HCN4: variants seen among roughly 807,000 people sequenced by gnomAD.
The protein encoded by HCN4 is potassium/sodium hyperpolarization-activated cyclic nucleotide-gated channel 4.
Under a neutral mutation model 76.9 loss-of-function variants are expected in HCN4, and 29 were observed. The observed-to-expected ratio is 0.38, with a 90% CI of 0.28 to 0.51. The LOEUF (loss-of-function observed/expected upper bound fraction) is 0.51, where lower values mean the gene tolerates loss of function less well. Among genes scored for constraint, HCN4 ranks in the 20% least tolerant of loss-of-function variants. The pLI is 0.90. For missense variants in HCN4, 1,416 were observed against 1,715.2 expected, an observed-to-expected ratio of 0.83 and a Z score of 3.08; for synonymous variants, 772 against 762.5, an observed-to-expected ratio of 1.01 and a Z score of -0.21.
Position 73,328,850 on chromosome 15 carries a change from G to C in HCN4, c.1590+723C>G, listed in dbSNP as rs2042915375. On this transcript the variant is annotated intron_variant, in intron 4 of 7. Coordinates refer to ENST00000261917, the MANE Select transcript of HCN4 (RefSeq NM_005477.3). This position sits in a 1 kb window ranked among gnomAD's most constrained non-coding sequence, Gnocchi z 4.0. ...GGCTTTGAGGTAGGCATTGATGACAGAGAGAGGCCAGGGATGGCTCCTAGT... is the reference window on the plus strand; with the variant it reads ...GGCTTTGAGGTAGGCATTGATGACACAGAGAGGCCAGGGATGGCTCCTAGT... Among the ~76,000 whole-genome samples, 1 of 152,194 alleles carries C rather than the reference G, an allele frequency of 6.6e-6. No homozygotes were observed. The highest frequency in any genetic ancestry group is 2.4e-5 in the African/African-American group (1 of 41,456).
intron 4 of HCN4, 51 bp downstream of exon 4, chr15:73,329,522 T>C (rs749304816): frequency 6.3e-7 from 1 of 1,576,282 alleles, no homozygotes; most frequent in Admixed American, 1.7e-5. Context: ...TGGTGGCCTG[T>C]GCTCCCTCTT....
Position 73,343,473 on chromosome 15 carries a change from A to G in HCN4, c.1121T>C (p.Leu374Pro). ...GATCTTCGTGAAGCGGACAATGCGC[A>G]GGGCCCGGGCAGTCTTGTAGACCTC... is the stretch of plus-strand genomic sequence containing the variant. ...DSEVYKTARA[L>P]RIVRFTKILS... The change falls in exon 2 of 8, where the codon CTG becomes CCG. Residue 374 changes from leucine (L) to proline (P), a missense_variant. Physicochemically the swap from Leu to Pro is moderately conservative, Grantham distance 98. Transcript: ENST00000261917. The surrounding 1 kb of genome is among the most constrained non-coding windows in gnomAD (Gnocchi z 5.7). 1 of 1,614,220 alleles carries G rather than the reference A, an allele frequency of 6.2e-7. No homozygotes were observed. The highest frequency in any genetic ancestry group is 8.5e-7 in the Non-Finnish European group (1 of 1,180,044).
chr15:73,350,076 CA>C (rs2043047493), intron 1 of HCN4, among the ~76,000 whole-genome samples: 1 of 152,216 alleles, frequency 6.6e-6, no homozygotes, highest in East Asian at 1.9e-4. Flanking sequence ...TCCTCTTGTA[CA>C]CCCTGCCCTT....
At chr15:73,362,017 G>C (rs150901752) in intron 1 of HCN4, among the ~76,000 whole-genome samples, 278 of 152,344 alleles carry the variant, frequency 1.8e-3, no homozygotes, top group Middle Eastern at 0.014. Context: ...TGGCCCTTTG[G>C]ATGGGAGAAA....
intron 1 of HCN4, among the ~76,000 whole-genome samples, chr15:73,360,197 A>C (rs2043098803): frequency 6.6e-6 from 1 of 152,252 alleles, no homozygotes; most frequent in Non-Finnish European, 1.5e-5. Flanking sequence ...AAAAAGCTCC[A>C]ACTGACAGGA....
chr15:73,353,248 A>C (rs1211848437), intron 1 of HCN4, among the ~76,000 whole-genome samples: 3 of 152,172 alleles, frequency 2.0e-5, no homozygotes, highest in African/African-American at 4.8e-5. Flanking sequence ...AGAAACATTC[A>C]TCTACCTTTA....
At chr15:73,366,307 G>A (rs2043128069) in intron 1 of HCN4, among the ~76,000 whole-genome samples, 1 of 152,172 alleles carries the variant, frequency 6.6e-6, no homozygotes, top group Non-Finnish European at 1.5e-5. Context: ...TACAAACCCA[G>A]CTTCCCTGGA....
Position 73,323,454 on chromosome 15 carries a change from G to A in HCN4, c.2639C>T (p.Ser880Phe). ...GLSPLLPSSS[S>F]SPPPGACGSP... Reference sequence around the variant, plus strand: ...GCCACAGGCCCCGGGGGGTGGGGAGGAGCTGGATGAGGGCAGGAGTGGGCT... The same window carrying A: ...GCCACAGGCCCCGGGGGGTGGGGAGAAGCTGGATGAGGGCAGGAGTGGGCT... Residue 880 changes from serine to phenylalanine, a missense_variant, in exon 8 of 8, where the codon TCC becomes TTC. Ser to Phe is a radical substitution (Grantham distance 155, BLOSUM62 -2). Around this residue, in one of 6 missense-constraint regions of HCN4, gnomAD observed 633 missense variants for 579.8 expected, o/e 1.09. Coordinates refer to ENST00000261917, the MANE Select transcript of HCN4 (RefSeq NM_005477.3). 1 of 1,608,734 alleles carries A rather than the reference G, an allele frequency of 6.2e-7. No individual in the cohort carries two copies.
intron 4 of HCN4, among the ~76,000 whole-genome samples, chr15:73,329,164 G>A (rs1416694634): frequency 6.6e-6 from 1 of 152,186 alleles, no homozygotes; most frequent in Non-Finnish European, 1.5e-5. Context: ...ACTGGGAAGA[G>A]AAGCCAGCAA....
chr15:73,332,973 A>G (rs2042941391), intron 2 of HCN4, among the ~76,000 whole-genome samples: 1 of 152,274 alleles, frequency 6.6e-6, no homozygotes, highest in Non-Finnish European at 1.5e-5. Flanking sequence ...TAATGGGTAG[A>G]GGAGTGTTCA....
chr15:73,335,844 G>C (rs1421309696), intron 2 of HCN4, among the ~76,000 whole-genome samples: 1 of 152,148 alleles, frequency 6.6e-6, no homozygotes, highest in East Asian at 1.9e-4. Context: ...GTGGGGGCCA[G>C]TGGGGCCCTT....
intron 1 of HCN4, among the ~76,000 whole-genome samples, chr15:73,355,445 CACGGAAGA>C (rs2043073613): frequency 6.6e-6 from 1 of 152,082 alleles, no homozygotes; most frequent in Non-Finnish European, 1.5e-5. Flanking sequence ...ACAGCTCACT[CACGGAAGA>C]ACGCGCACCT....
rs1057524285 is a variant in HCN4, at chr15:73,323,218, G to C, written c.2875C>G (p.Leu959Val). Residue 959 changes from leucine (L) to valine (V), a missense_variant, in exon 8 of 8, where the codon CTG becomes GTG. Transcript: ENST00000261917. ...GATCTGGATGAGGGTGGGGGTGGCA[G>C]GAAGTGCTCCGGGAGTCCCAGGCCT... is the stretch of plus-strand genomic sequence containing the variant. The part of the protein sequence containing the change: ...RGGLGLPEHF[L>V]PPPPSSRSPS... 9.1e-6 allele frequency: 14 copies of C among 1,531,334 alleles called. No homozygotes were observed. The highest frequency in any genetic ancestry group is 1.8e-6 in the Non-Finnish European group (2 of 1,141,404). The allele number at this position is 1,531,334 out of a possible 1,614,324, so 94.9% of individuals were successfully genotyped here.
rs1172106722 is a variant in HCN4 at position 73,368,195 on chromosome 15, T to C, written c.76A>G (p.Met26Val). ...PQQVGAKAWI[M>V]DEEEDAEEEG... is the part of the protein sequence containing the mutation. ...TCCTCGGCGTCCTCTTCCTCGTCCA[T>C]GATCCACGCCTTGGCCCCCACCTGC... The change falls in exon 1 of 8, where the codon ATG becomes GTG. Residue 26 changes from methionine to valine, a missense_variant. Met to Val is a conservative substitution (Grantham distance 21). Transcript: ENST00000261917. This position sits in a 1 kb window ranked among gnomAD's most constrained non-coding sequence, Gnocchi z 6.9. 11 of 1,534,076 alleles carry C rather than the reference T, an allele frequency of 7.2e-6. No homozygotes were observed. The highest frequency in any genetic ancestry group is 9.6e-6 in the Non-Finnish European group (11 of 1,141,820).
chr15:73,366,569 C>T (rs1001076113), intron 1 of HCN4, among the ~76,000 whole-genome samples: 1 of 152,304 alleles, frequency 6.6e-6, no homozygotes, highest in African/African-American at 2.4e-5. Context: ...TAGAAACAAC[C>T]AACAATCCCT....
chr15:73,336,594 A>T (rs1032008522), intron 2 of HCN4, among the ~76,000 whole-genome samples: 1 of 152,078 alleles, frequency 6.6e-6, no homozygotes, highest in African/African-American at 2.4e-5. Flanking sequence ...GCTGTTCGTG[A>T]GGCTGAGCAA....
At chr15:73,361,630 T>C (rs56777763) in intron 1 of HCN4, among the ~76,000 whole-genome samples, 20,062 of 152,204 alleles carry the variant, frequency 0.13, 1,760 homozygotes, top group African/African-American at 0.25. Flanking sequence ...CCTTCTGCTC[T>C]GAGTGAATTC....
intron 1 of HCN4, among the ~76,000 whole-genome samples, chr15:73,347,517 C>A (rs2043034851): frequency 6.6e-6 from 1 of 152,154 alleles, no homozygotes; most frequent in Admixed American, 6.5e-5. Context: ...AGTAGCACAC[C>A]TCTCAAGTGC....
chr15:73,358,419 C>A (rs1446022455), intron 1 of HCN4, among the ~76,000 whole-genome samples: 1 of 152,220 alleles, frequency 6.6e-6, no homozygotes, highest in Middle Eastern at 3.2e-3. Context: ...TAATCATTAA[C>A]AGGGGCTGCT....
Sources: allele counts gnomAD v4.1 joint callset (sites outside exome capture counted in the v4.1 genomes callset), GRCh38; gene constraint gnomAD v4.1.1; regional missense constraint gnomAD v4.1.1; non-coding constraint Gnocchi (gnomAD v3.1); transcripts MANE v1.5; gene names NCBI Gene and HGNC (gene_info 2026-07-23, HGNC 2026-07-21).